Variants in EBF2 observed in about 807,000 individuals in gnomAD.
The protein encoded by EBF2 is transcription factor COE2.
In EBF2, 21 loss-of-function variants were observed where a neutral mutation model predicts 72.8. That is an observed-to-expected ratio of 0.29 (90% CI 0.20 to 0.42). The LOEUF (loss-of-function observed/expected upper bound fraction) is 0.42, where lower values mean the gene tolerates loss of function less well. Among genes scored for constraint, EBF2 ranks in the 10% least tolerant of loss-of-function variants. The pLI, the probability that EBF2 is intolerant of heterozygous loss-of-function variation, is 1.00. For synonymous variants in EBF2, 299 were observed against 274.2 expected, an observed-to-expected ratio of 1.09 and a Z score of -0.89; for missense variants, 637 against 731.2, an observed-to-expected ratio of 0.87 and a Z score of 1.49.
At chr8:25,855,881 G>T (rs559521340) in intron 14 of EBF2, among the ~76,000 whole-genome samples, 36 of 152,314 alleles carry the variant, frequency 2.4e-4, no homozygotes, top group Middle Eastern at 3.4e-3. Context: ...ACAGGGAGGA[G>T]GTTTTCTCCC....
Position 26,045,148 on chromosome 8 carries a change from CT to C in EBF2, c.-290del. ...CGCATCCTTCCAGCTGCAGTGCTGC[CT>C]CCTGAAAGTGATCACAATTTAGAAG... is the stretch of plus-strand genomic sequence containing the variant. On this transcript the variant is annotated 5_prime_UTR_variant, in exon 1 of 16. It introduces an in-frame stop codon into an upstream open reading frame of the 5' UTR. Coordinates refer to ENST00000520164, the MANE Select transcript of EBF2 (RefSeq NM_022659.4). 2 of 264,076 alleles carry C rather than the reference CT, an allele frequency of 7.6e-6. No individual in the cohort carries two copies. The highest frequency in any genetic ancestry group is 1.5e-5 in the Non-Finnish European group (2 of 136,450). The allele number at this position is 264,076 out of a possible 1,614,324, so 16.4% of individuals were successfully genotyped here.
rs911659551 is a variant in EBF2 at position 25,887,752 on chromosome 8, T to A, written c.882+90A>T. On this transcript the variant is annotated intron_variant, in intron 9 of 15. Transcript: ENST00000520164. ...GCCTGATTTACTATGACTTTTATGC[T>A]TTTTTACCCTTGGTGTTTGTGCTAG... 5.6e-5 allele frequency: 78 copies of A among 1,385,216 alleles called. No homozygotes were observed. The South Asian group carries it at 9.9e-4, about 18-fold the overall frequency. The allele number at this position is 1,385,216 out of a possible 1,614,324, so 85.8% of individuals were successfully genotyped here.
At chr8:25,955,135 G>C (rs981957240) in intron 6 of EBF2, among the ~76,000 whole-genome samples, 1 of 152,242 alleles carries the variant, frequency 6.6e-6, no homozygotes, top group Non-Finnish European at 1.5e-5. Context: ...AGCGACAAGA[G>C]CATACCACTC....
In EBF2 at chr8:26,044,015, G is replaced by A. The variant is rs1805655427; in HGVS notation, c.131+714C>T. On this transcript the variant is annotated intron_variant, in intron 1 of 15. Transcript: ENST00000520164. This position sits in a 1 kb window ranked among gnomAD's most constrained non-coding sequence, Gnocchi z 4.1. ...CCCTGAGCCAGTCTAGCTGCTGGTG[G>A]CCTTTTCTCGCCTCTTTCTTCTTCC... Among the ~76,000 whole-genome samples the A allele has an allele frequency of 6.6e-6, 1 of 152,214 alleles. No homozygotes were observed. Among genetic ancestry groups the A allele is most frequent in the African/African-American group, 2.4e-5 (1 of 41,460 alleles).
intron 6 of EBF2, among the ~76,000 whole-genome samples, chr8:26,014,134 T>C (rs1190074548): frequency 6.6e-6 from 1 of 152,182 alleles, no homozygotes; most frequent in Admixed American, 6.6e-5. Context: ...TGATAAGGCA[T>C]ATATGGAGAA....
At chr8:25,858,738 C>A (rs1218755527) in intron 13 of EBF2, among the ~76,000 whole-genome samples, 1 of 144,646 alleles carries the variant, frequency 6.9e-6, no homozygotes, top group Admixed American at 7.2e-5. Context: ...TGGCTCACTG[C>A]AACCTCTGCT....
At chr8:25,976,881 T>C (rs1356194358) in intron 6 of EBF2, among the ~76,000 whole-genome samples, 3 of 152,190 alleles carry the variant, frequency 2.0e-5, no homozygotes, top group African/African-American at 7.2e-5. Flanking sequence ...TGTGAAAGGC[T>C]TGTCAACATC....
chr8:25,931,013 C>T (rs1165539013), intron 6 of EBF2, among the ~76,000 whole-genome samples: 2 of 152,064 alleles, frequency 1.3e-5, no homozygotes, highest in African/African-American at 4.8e-5. Flanking sequence ...AGAGTTGAAG[C>T]GAATGAAACT....
intron 6 of EBF2, among the ~76,000 whole-genome samples, chr8:25,922,926 A>T (rs555783953): frequency 6.6e-6 from 1 of 151,526 alleles, no homozygotes; most frequent in Non-Finnish European, 1.5e-5. Flanking sequence ...CTCCCTACAC[A>T]GTGAATAATG....
chr8:26,007,569 C>T (rs922384989), intron 6 of EBF2, among the ~76,000 whole-genome samples: 1 of 151,960 alleles, frequency 6.6e-6, no homozygotes. Context: ...AACAAAAGCA[C>T]GAGTCAAGGT....
intron 7 of EBF2, among the ~76,000 whole-genome samples, chr8:25,906,628 G>A (rs1454184002): frequency 4.6e-5 from 7 of 152,038 alleles, no homozygotes; most frequent in African/African-American, 1.4e-4. Flanking sequence ...TTAGCCAGGC[G>A]TGGTGGCATG....
intron 6 of EBF2, among the ~76,000 whole-genome samples, chr8:25,913,677 A>C (rs1229876540): frequency 6.6e-6 from 1 of 152,214 alleles, no homozygotes; most frequent in African/African-American, 2.4e-5. Context: ...CAGGCTCTCC[A>C]AAGACCAAGA....
chr8:25,922,250 TAAAA>T (rs56689931), intron 6 of EBF2, among the ~76,000 whole-genome samples: 1 of 148,088 alleles, frequency 6.8e-6, no homozygotes, highest in African/African-American at 2.5e-5. Flanking sequence ...TGTTTTTGCT[TAAAA>T]AAAAAAAACA....
intron 6 of EBF2, among the ~76,000 whole-genome samples, chr8:25,979,090 T>A (rs943530492): frequency 1.1e-4 from 16 of 152,174 alleles, no homozygotes; most frequent in African/African-American, 3.9e-4. Context: ...GTGAGATTCC[T>A]GTGTGGCTGC....
At chr8:26,026,373 T>C (rs1467640854) in intron 6 of EBF2, among the ~76,000 whole-genome samples, 1 of 152,070 alleles carries the variant, frequency 6.6e-6, no homozygotes, top group Admixed American at 6.5e-5. Context: ...TCAGAGAAAG[T>C]AGAATTGGAA....
chr8:25,946,892 G>A (rs1191221729), intron 6 of EBF2, among the ~76,000 whole-genome samples: 2 of 152,200 alleles, frequency 1.3e-5, no homozygotes, highest in Non-Finnish European at 2.9e-5. Flanking sequence ...TACTGTAGTG[G>A]AGAGGGTTAG....
intron 6 of EBF2, among the ~76,000 whole-genome samples, chr8:25,966,688 A>G (rs1289181020): frequency 1.3e-5 from 2 of 152,188 alleles, no homozygotes; most frequent in Non-Finnish European, 2.9e-5. Flanking sequence ...GAAAAGACTG[A>G]GCCTGATCTT....
intron 10 of EBF2, among the ~76,000 whole-genome samples, chr8:25,884,543 T>C (rs183065005): frequency 3.9e-5 from 6 of 152,272 alleles, no homozygotes; most frequent in Admixed American, 2.6e-4. Context: ...TCTGAAATTA[T>C]ATCACTTATT....
intron 10 of EBF2, among the ~76,000 whole-genome samples, chr8:25,878,627 C>T (rs897010011): frequency 3.9e-5 from 6 of 152,206 alleles, no homozygotes; most frequent in Non-Finnish European, 7.3e-5. Context: ...AGTGGTACTT[C>T]GCTCAGTAAC....
Sources: gnomAD v4.1 joint callset for allele counts (sites outside exome capture counted in the v4.1 genomes callset) on GRCh38, gnomAD v4.1.1 for gene constraint, Gnocchi (gnomAD v3.1) non-coding constraint, MANE v1.5 for transcripts, NCBI Gene and HGNC (gene_info 2026-07-23, HGNC 2026-07-21) for gene names.